SNTG1: variants seen among roughly 807,000 people sequenced by gnomAD.
SNTG1 encodes the protein syntrophin gamma 1, also known as gamma-1-syntrophin.
In SNTG1, 39 loss-of-function variants were observed where a neutral mutation model predicts 74.7. That is an observed-to-expected ratio of 0.52 (90% CI 0.40 to 0.68). SNTG1 has a LOEUF of 0.68. Ranked by LOEUF, SNTG1 falls within the 30% of genes least tolerant of loss-of-function variation. The pLI is 0.00. For synonymous variants in SNTG1, 254 were observed against 217.1 expected (o/e 1.17, Z -1.49); for missense variants, 685 against 609.5 (o/e 1.12, Z -1.30).
chr8:50,377,457 C>T (rs2092408156), intron 2 of SNTG1, among the ~76,000 whole-genome samples: 1 of 152,054 alleles, frequency 6.6e-6, no homozygotes, highest in South Asian at 2.1e-4. Flanking sequence ...TTTCTTAAAA[C>T]ATCTCATTTG....
chr8:50,586,875 T>C (rs1355459278), intron 12 of SNTG1, among the ~76,000 whole-genome samples: 1 of 152,046 alleles, frequency 6.6e-6, no homozygotes, highest in Non-Finnish European at 1.5e-5. Flanking sequence ...TAAACTAATT[T>C]TATTTTCTAA....
At chr8:49,980,377 T>C (rs1476616275) in intron 1 of SNTG1, among the ~76,000 whole-genome samples, 2 of 151,986 alleles carry the variant, frequency 1.3e-5, no homozygotes, top group African/African-American at 4.8e-5. Flanking sequence ...GACGGAGCCC[T>C]GAGCTCTCCT....
At chr8:50,474,926 A>T (rs2093683984) in intron 8 of SNTG1, among the ~76,000 whole-genome samples, 1 of 151,978 alleles carries the variant, frequency 6.6e-6, no homozygotes, top group Admixed American at 6.6e-5. Flanking sequence ...TGTCCTTTGT[A>T]GGGATATGGA....
Position 49,933,253 on chromosome 8 carries a change from C to G in SNTG1, c.-103+21022C>G, listed in dbSNP as rs181662788. ...CATGAAGTTTCCGATTTTTCCTCATCCTCGCCAATGCTTGTTAGTGTCTGT... is the reference window on the plus strand; with the variant it reads ...CATGAAGTTTCCGATTTTTCCTCATGCTCGCCAATGCTTGTTAGTGTCTGT... On this transcript the variant is annotated intron_variant, in intron 1 of 18. Coordinates refer to ENST00000642720, the MANE Select transcript of SNTG1 (RefSeq NM_018967.5). 7.4e-3 allele frequency among the ~76,000 whole-genome samples: 1,124 copies of G among 152,292 alleles called. 8 individuals carry two copies. Among genetic ancestry groups the G allele is most frequent in the South Asian group, 0.016 (77 of 4,832 alleles).
At chr8:50,622,882 T>G (rs925522332) in intron 13 of SNTG1, among the ~76,000 whole-genome samples, 6 of 152,168 alleles carry the variant, frequency 3.9e-5, no homozygotes, top group African/African-American at 1.4e-4. Context: ...TAAATATGTC[T>G]CCTTATAATG....
intron 2 of SNTG1, among the ~76,000 whole-genome samples, chr8:50,174,908 G>A (rs895499278): frequency 2.3e-5 from 3 of 130,154 alleles, no homozygotes; most frequent in African/African-American, 6.0e-5. Context: ...TCCCCTTCCT[G>A]TGTCCATGTG....
chr8:50,023,147 T>C (rs931874945), intron 1 of SNTG1, among the ~76,000 whole-genome samples: 2 of 151,764 alleles, frequency 1.3e-5, no homozygotes, highest in Non-Finnish European at 2.9e-5. Flanking sequence ...AAGAACAGAG[T>C]TTGTTTGATA....
At chr8:50,066,805 G>A (rs1009414370) in intron 1 of SNTG1, among the ~76,000 whole-genome samples, 3 of 152,102 alleles carry the variant, frequency 2.0e-5, no homozygotes, top group Non-Finnish European at 2.9e-5. Context: ...CGTTGACTTT[G>A]TACCGTTATA....
chr8:50,677,920 G>A (rs28520704), intron 15 of SNTG1, among the ~76,000 whole-genome samples: 15,661 of 151,594 alleles, frequency 0.1, 2,283 homozygotes, highest in African/African-American at 0.32. Flanking sequence ...TAATAATATT[G>A]TTCTTAATGA....
intron 2 of SNTG1, among the ~76,000 whole-genome samples, chr8:50,183,177 A>T: frequency 6.6e-6 from 1 of 152,144 alleles, no homozygotes; most frequent in Non-Finnish European, 1.5e-5. Flanking sequence ...TTTCATACTG[A>T]TGACATCAAC....
Position 50,205,516 on chromosome 8 carries a change from G to A in SNTG1, c.-28+32881G>A, listed in dbSNP as rs188753496. ...GATTGCAAAAATTTTCTCCCATTCT[G>A]TAGGGTGCCTGTTCACGCTGATGGT... is the stretch of plus-strand genomic sequence containing the variant. On this transcript the variant is annotated intron_variant, in intron 2 of 18. Transcript: ENST00000642720. Among the ~76,000 whole-genome samples the A allele has an allele frequency of 1.6e-4, 25 of 152,294 alleles. No homozygotes were observed. In the East Asian group the frequency reaches 4.6e-3, roughly 28 times the overall value.
rs139690776 is a variant in SNTG1 at position 49,964,967 on chromosome 8, T to C, written c.-103+52736T>C. On this transcript the variant is annotated intron_variant, in intron 1 of 18. Coordinates refer to ENST00000642720, the MANE Select transcript of SNTG1 (RefSeq NM_018967.5). ...TTTAATATAAATTAGAGTTTATTTA[T>C]ACAGTAGTTATTAAGGCAAGTTAAA... Among the ~76,000 whole-genome samples, 122 of 152,332 alleles carry C rather than the reference T, an allele frequency of 8.0e-4. No individual in the cohort carries two copies. In the East Asian group the frequency reaches 0.023, roughly 28 times the overall value.
chr8:50,588,904 T>G (rs2094672455), intron 12 of SNTG1, among the ~76,000 whole-genome samples: 1 of 152,148 alleles, frequency 6.6e-6, no homozygotes, highest in African/African-American at 2.4e-5. Context: ...AAAGGCCATT[T>G]TCATATTTTG....
intron 17 of SNTG1, among the ~76,000 whole-genome samples, chr8:50,738,961 T>C (rs866964476): frequency 2.0e-4 from 31 of 152,104 alleles, no homozygotes; most frequent in African/African-American, 6.7e-4. Flanking sequence ...ATAAAAACCC[T>C]AGAAGAAAAC....
intron 2 of SNTG1, among the ~76,000 whole-genome samples, chr8:50,389,905 T>A (rs1264948758): frequency 2.0e-5 from 3 of 152,236 alleles, no homozygotes; most frequent in Non-Finnish European, 4.4e-5. Flanking sequence ...TCTGTTCATA[T>A]CCTTCGCCCA....
At chr8:50,237,599 T>C (rs1426922880) in intron 2 of SNTG1, among the ~76,000 whole-genome samples, 1 of 152,162 alleles carries the variant, frequency 6.6e-6, no homozygotes, top group Non-Finnish European at 1.5e-5. Flanking sequence ...TTCAATATAA[T>C]GATTTTTTTC....
At chr8:50,213,613 T>C (rs1006429912) in intron 2 of SNTG1, among the ~76,000 whole-genome samples, 9 of 152,136 alleles carry the variant, frequency 5.9e-5, no homozygotes, top group Non-Finnish European at 1.3e-4. Context: ...TTTTTAATGA[T>C]TGCCATTCTA....
At chr8:50,400,100 T>C (rs1461305332) in intron 3 of SNTG1, among the ~76,000 whole-genome samples, 1 of 152,208 alleles carries the variant, frequency 6.6e-6, no homozygotes, top group Admixed American at 6.5e-5. Context: ...AGTATATAAA[T>C]ATATTCCCAT....
At chr8:50,706,028 TTTGAACATG>T (rs2095442291) in intron 16 of SNTG1, among the ~76,000 whole-genome samples, 1 of 152,208 alleles carries the variant, frequency 6.6e-6, no homozygotes, top group South Asian at 2.1e-4. Flanking sequence ...ATACATATAT[TTTGAACATG>T]TTGAACTGAT....
Sources: allele counts gnomAD v4.1 joint callset (sites outside exome capture counted in the v4.1 genomes callset), GRCh38; gene constraint gnomAD v4.1.1; transcripts MANE v1.5; gene names NCBI Gene and HGNC (gene_info 2026-07-23, HGNC 2026-07-21).